The following TRAPPC8 variants were observed in gnomAD, a reference collection of about 807,000 sequenced individuals.
TRAPPC8 encodes trafficking protein particle complex subunit 8, also known as general sporulation gene 1 homolog.
TRAPPC8 carries 54 observed loss-of-function variants against 174.3 expected under a neutral mutation model. That is an observed-to-expected ratio of 0.31 (90% CI 0.25 to 0.39). The LOEUF (loss-of-function observed/expected upper bound fraction) is 0.39, where lower values mean the gene tolerates loss of function less well. Ranked by LOEUF, TRAPPC8 falls within the 10% of genes least tolerant of loss-of-function variation. The probability of loss-of-function intolerance (pLI) is 1.00; values close to 1 mark genes in which losing one functional copy is unlikely to be tolerated. For missense variants in TRAPPC8, 1,531 were observed against 1,699.1 expected (o/e 0.90, Z 1.74); for synonymous variants, 630 against 579.9 (o/e 1.09, Z -1.24).
chr18:31,931,324 C>T lies in TRAPPC8; in HGVS notation c.352+5G>A. 2 of 1,535,176 alleles carry T rather than the reference C, an allele frequency of 1.3e-6. No individual in the cohort carries two copies. Among genetic ancestry groups the T allele is most frequent in the Non-Finnish European group, 1.8e-6 (2 of 1,139,608 alleles). On this transcript the variant is annotated splice_donor_5th_base_variant and intron_variant, in intron 2 of 28. Coordinates refer to ENST00000283351, the MANE Select transcript of TRAPPC8 (RefSeq NM_014939.5). ...CAAAAAATAACAATAAACCTTGTTA[C>T]ATACCACTGATGTTAAGGTCATAAT...
intron 2 of TRAPPC8, among the ~76,000 whole-genome samples, chr18:31,927,175 AC>A (rs2037652727): frequency 6.6e-6 from 1 of 152,018 alleles, no homozygotes; most frequent in Admixed American, 6.6e-5. Flanking sequence ...TTGCGCAATC[AC>A]AGCTTTTTGC....
intron 2 of TRAPPC8, among the ~76,000 whole-genome samples, chr18:31,930,035 A>G (rs2037782562): frequency 6.6e-6 from 1 of 152,208 alleles, no homozygotes; most frequent in African/African-American, 2.4e-5. Flanking sequence ...ATAATTCTAC[A>G]AATATTTTTA....
At position 31,922,583 on chromosome 18, in the gene TRAPPC8, G is replaced by A. The variant is rs994387422; in HGVS notation, c.353-4916C>T. Reference sequence around the variant, plus strand: ...TCCAGCCTGGGCAGCGACAGAGCAAGACCCTGTCTCAAAACGAACAAACAA... The same window carrying A: ...TCCAGCCTGGGCAGCGACAGAGCAAAACCCTGTCTCAAAACGAACAAACAA... On this transcript the variant is annotated intron_variant, in intron 2 of 28. Transcript: ENST00000283351. Among the ~76,000 whole-genome samples the A allele has an allele frequency of 1.2e-4, 18 of 152,152 alleles. No individual in the cohort carries two copies. The East Asian group carries it at 3.3e-3, about 28-fold the overall frequency.
intron 2 of TRAPPC8, among the ~76,000 whole-genome samples, chr18:31,920,068 T>C (rs2037318467): frequency 6.6e-6 from 1 of 152,124 alleles, no homozygotes; most frequent in Non-Finnish European, 1.5e-5. Context: ...GTAGTACCAA[T>C]GATAAGAAAA....
intron 4 of TRAPPC8, among the ~76,000 whole-genome samples, chr18:31,914,925 G>A (rs1372916215): frequency 6.6e-6 from 1 of 152,126 alleles, no homozygotes; most frequent in Admixed American, 6.5e-5. Context: ...ATATTTCTAA[G>A]GCTATGAAAA....
At chr18:31,872,115 C>T (rs1231119282) in intron 14 of TRAPPC8, among the ~76,000 whole-genome samples, 3 of 152,050 alleles carry the variant, frequency 2.0e-5, no homozygotes, top group Non-Finnish European at 2.9e-5. Context: ...ATTTCTCATC[C>T]TTCATTCCCT....
chr18:31,831,997 C>A, intron 28 of TRAPPC8, 87 bp downstream of exon 28: 2 of 890,064 alleles, frequency 2.2e-6, no homozygotes. Flanking sequence ...GAGTAACTTT[C>A]TTATCCATGT....
chr18:31,856,109 TCTC>T (rs1230819971), intron 20 of TRAPPC8, among the ~76,000 whole-genome samples: 2 of 150,652 alleles, frequency 1.3e-5, no homozygotes, highest in African/African-American at 2.4e-5. Context: ...CTTCTTTCTC[TCTC>T]TTTTTTTTTT....
intron 12 of TRAPPC8, among the ~76,000 whole-genome samples, chr18:31,880,541 A>G (rs991557526): frequency 6.6e-6 from 1 of 152,158 alleles, no homozygotes; most frequent in African/African-American, 2.4e-5. Flanking sequence ...AGCCAAAATC[A>G]TATTGAATGG....
At position 31,938,842 on chromosome 18, in the gene TRAPPC8, G is replaced by C. The variant is rs144376878; in HGVS notation, c.157+3766C>G. 4.3e-3 allele frequency among the ~76,000 whole-genome samples: 655 copies of C among 152,224 alleles called. 6 individuals carry two copies. Among genetic ancestry groups the C allele is most frequent in the African/African-American group, 0.015 (635 of 41,542 alleles). On this transcript the variant is annotated intron_variant, in intron 1 of 28. Transcript: ENST00000283351. ...CATGCCTGTAATCCCAGCACTTTGG[G>C]AGGCCAAGGCGGGCAGATCATGAGG...
intron 5 of TRAPPC8, among the ~76,000 whole-genome samples, 185 bp downstream of exon 5, chr18:31,913,184 C>T (rs2036992062): frequency 6.6e-6 from 1 of 151,876 alleles, no homozygotes; most frequent in African/African-American, 2.4e-5. Flanking sequence ...GAAAAGAGTG[C>T]ACATAAGGGA....
intron 12 of TRAPPC8, among the ~76,000 whole-genome samples, chr18:31,876,875 C>T (rs1351889560): frequency 6.6e-6 from 1 of 152,180 alleles, no homozygotes; most frequent in East Asian, 1.9e-4. Context: ...CTCACACAGG[C>T]ATGCCCGCCC....
At chr18:31,849,920 T>TG (rs1257288774) in intron 24 of TRAPPC8, among the ~76,000 whole-genome samples, 181 bp from the exon 25 acceptor site, 3 of 152,112 alleles carry the variant, frequency 2.0e-5, no homozygotes, top group Non-Finnish European at 4.4e-5. Context: ...GGAGGCCACT[T>TG]GAACATTCAA....
At position 31,867,388 on chromosome 18, in the gene TRAPPC8, GAT is replaced by G; in HGVS notation, c.2463+12_2463+13del. 6.4e-7 allele frequency: 1 copy of G among 1,563,558 alleles called. No individual in the cohort carries two copies. Among genetic ancestry groups the G allele is most frequent in the Non-Finnish European group, 8.8e-7 (1 of 1,136,616 alleles). ...TCAGAAAGGCATAAAGCAGAGAAATGATAAAATAATTACCACTTTTGATTCTT... is the reference window on the plus strand; with the variant it reads ...TCAGAAAGGCATAAAGCAGAGAAATGAAAATAATTACCACTTTTGATTCTT... On this transcript the variant is annotated intron_variant, in intron 17 of 28. Transcript: ENST00000283351.
chr18:31,880,121 A>T (rs535256757), intron 12 of TRAPPC8, among the ~76,000 whole-genome samples: 4,644 of 68,752 alleles, frequency 0.068, 218 homozygotes, highest in East Asian at 0.23. Context: ...ATATATATAT[A>T]TTTTTTTTTT....
At chr18:31,856,932 C>G (rs1363988157) in intron 20 of TRAPPC8, among the ~76,000 whole-genome samples, 3 of 151,642 alleles carry the variant, frequency 2.0e-5, no homozygotes, top group Admixed American at 6.6e-5. Context: ...CTGCCTCAGC[C>G]TCCCAAGTTA....
intron 25 of TRAPPC8, among the ~76,000 whole-genome samples, chr18:31,848,967 T>C (rs1309414195): frequency 4.6e-5 from 7 of 152,074 alleles, no homozygotes; most frequent in Non-Finnish European, 1.0e-4. Flanking sequence ...CAGGGTAAAA[T>C]AGTATATTTA....
chr18:31,933,504 G>A (rs79745632), intron 1 of TRAPPC8, among the ~76,000 whole-genome samples: 1 of 152,072 alleles, frequency 6.6e-6, no homozygotes, highest in Non-Finnish European at 1.5e-5. Flanking sequence ...GTGAACTATT[G>A]TTAGACAGTA....
rs150890169 is a variant in TRAPPC8, at chr18:31,853,133, A to C, written c.3434-470T>G. On this transcript the variant is annotated intron_variant, in intron 22 of 28. Transcript: ENST00000283351. ...GTACACATTCTTTTGTTTGAATGTT[A>C]TATAAACATGACAATTCACAGAAAA... Among the ~76,000 whole-genome samples the C allele has an allele frequency of 1.7e-3, 256 of 152,334 alleles. 1 individual carries two copies. Among genetic ancestry groups the C allele is most frequent in the African/African-American group, 5.0e-3 (207 of 41,576 alleles).
Sources: gnomAD v4.1 joint callset for allele counts (sites outside exome capture counted in the v4.1 genomes callset) on GRCh38, gnomAD v4.1.1 for gene constraint, MANE v1.5 for transcripts, NCBI Gene and HGNC (gene_info 2026-07-23, HGNC 2026-07-21) for gene names.